Variants in SHISA9 observed in about 807,000 individuals in gnomAD.
SHISA9 encodes shisa family member 9, also known as protein shisa-9.
SHISA9 carries 13 observed loss-of-function variants against 38.0 expected under a neutral mutation model. The ratio of observed to expected loss-of-function variants is 0.34; its 90% CI spans 0.22 to 0.54. The LOEUF (loss-of-function observed/expected upper bound fraction) is 0.54, where lower values mean the gene tolerates loss of function less well. Ranked by LOEUF, SHISA9 falls within the 20% of genes least tolerant of loss-of-function variation. SHISA9 has a pLI of 0.91. For missense variants in SHISA9, 538 were observed against 575.8 expected (o/e 0.93, Z 0.67); for synonymous variants, 275 against 242.0 (o/e 1.14, Z -1.27).
At chr16:12,974,259 G>A (rs1343688521) in intron 2 of SHISA9, among the ~76,000 whole-genome samples, 6 of 152,106 alleles carry the variant, frequency 3.9e-5, no homozygotes, top group Non-Finnish European at 7.3e-5. Flanking sequence ...CCAGGAGAGG[G>A]CAGGACATCT....
chr16:13,436,051 G>A, the SHISA9 span, among the ~76,000 whole-genome samples: 1 of 152,170 alleles, frequency 6.6e-6, no homozygotes, highest in East Asian at 1.9e-4. Flanking sequence ...GAACTGGCTT[G>A]AACAGAACAA....
intron 2 of SHISA9, among the ~76,000 whole-genome samples, chr16:12,994,650 C>G (rs1485024574): frequency 6.6e-6 from 1 of 152,176 alleles, no homozygotes; most frequent in Non-Finnish European, 1.5e-5. Flanking sequence ...CTATAGTTGA[C>G]TCACTGTGGT....
rs115693292 is a variant in SHISA9, at chr16:12,965,134, C to G, written c.691+48319C>G. Among the ~76,000 whole-genome samples the G allele has an allele frequency of 3.4e-3, 524 of 152,220 alleles. 5 individuals are homozygous for G. The highest frequency in any genetic ancestry group is 0.012 in the African/African-American group (493 of 41,534). On this transcript the variant is annotated intron_variant, in intron 2 of 4. Transcript: ENST00000558583. ...CAAGTTATTGGTTTTGTGTTGACAT[C>G]TCAGCCTCCAGGAAATTTCAGAGAT...
At chr16:13,292,903 A>G in the SHISA9 span, among the ~76,000 whole-genome samples, 2 of 152,168 alleles carry the variant, frequency 1.3e-5, no homozygotes, top group Non-Finnish European at 2.9e-5. Flanking sequence ...AAGTAAATAT[A>G]TTTGCTTGCT....
intron 2 of SHISA9, among the ~76,000 whole-genome samples, chr16:13,107,496 C>G (rs972076727): frequency 2.0e-5 from 3 of 151,426 alleles, no homozygotes; most frequent in African/African-American, 7.3e-5. Context: ...CACACACACA[C>G]ACACACACAC....
chr16:13,188,628 G>A (rs1176845937), intron 2 of SHISA9, among the ~76,000 whole-genome samples: 3 of 148,120 alleles, frequency 2.0e-5, no homozygotes, highest in Non-Finnish European at 3.0e-5. Flanking sequence ...GAGGTGGGAG[G>A]ATCACTTGAG....
the SHISA9 span, among the ~76,000 whole-genome samples, chr16:13,276,923 G>C: frequency 6.6e-6 from 1 of 151,956 alleles, no homozygotes; most frequent in Non-Finnish European, 1.5e-5. Flanking sequence ...TTTTAATTAG[G>C]TCCCAGCTAT....
chr16:12,959,743 A>G (rs1164624768), intron 2 of SHISA9, among the ~76,000 whole-genome samples: 1 of 152,196 alleles, frequency 6.6e-6, no homozygotes, highest in Non-Finnish European at 1.5e-5. Context: ...CCAGCAAATG[A>G]GTGGCAGAGC....
chr16:13,055,371 T>G (rs1047569519), intron 2 of SHISA9, among the ~76,000 whole-genome samples: 10 of 152,178 alleles, frequency 6.6e-5, no homozygotes, highest in African/African-American at 2.4e-4. Flanking sequence ...GAGTAATGAC[T>G]ATGTTAATTT....
intron 2 of SHISA9, among the ~76,000 whole-genome samples, chr16:12,948,930 C>T (rs1334947902): frequency 6.6e-6 from 1 of 152,142 alleles, no homozygotes; most frequent in African/African-American, 2.4e-5. Flanking sequence ...TATTATATAC[C>T]TTTGTAATAT....
At chr16:13,310,059 TA>T in the SHISA9 span, among the ~76,000 whole-genome samples, 2 of 152,050 alleles carry the variant, frequency 1.3e-5, no homozygotes, top group Non-Finnish European at 2.9e-5. Flanking sequence ...GGCTAATTTT[TA>T]TATTTTTAGT....
intron 2 of SHISA9, among the ~76,000 whole-genome samples, chr16:13,076,891 G>T (rs1028524896): frequency 1.3e-5 from 2 of 152,138 alleles, no homozygotes; most frequent in Non-Finnish European, 2.9e-5. Flanking sequence ...AATATTTGTT[G>T]AATTAATGAC....
At chr16:13,368,698 G>A in the SHISA9 span, among the ~76,000 whole-genome samples, 5 of 150,658 alleles carry the variant, frequency 3.3e-5, no homozygotes, top group Non-Finnish European at 7.4e-5. Context: ...TACATAAAAT[G>A]CATTTGATTG....
chr16:13,457,577 G>A, the SHISA9 span, among the ~76,000 whole-genome samples: 109 of 151,762 alleles, frequency 7.2e-4, no homozygotes, highest in African/African-American at 2.4e-3. Context: ...TTATGCAGAC[G>A]CCAGCTTTGT....
At chr16:13,487,885 G>T in the SHISA9 span, among the ~76,000 whole-genome samples, 1 of 152,178 alleles carries the variant, frequency 6.6e-6, no homozygotes, top group Non-Finnish European at 1.5e-5. Context: ...GACAGTTTGG[G>T]TTGGGCCAAT....
chr16:12,987,946 C>A (rs541513623), intron 2 of SHISA9, among the ~76,000 whole-genome samples: 2 of 152,168 alleles, frequency 1.3e-5, no homozygotes, highest in African/African-American at 4.8e-5. Flanking sequence ...CCATAATTCA[C>A]CCCAGGGGGC....
chr16:13,073,196 A>G (rs1439732194), intron 2 of SHISA9, among the ~76,000 whole-genome samples: 1 of 149,980 alleles, frequency 6.7e-6, no homozygotes, highest in Non-Finnish European at 1.5e-5. Context: ...GCTAAGCCCA[A>G]CTCTCTCCTA....
the SHISA9 span, among the ~76,000 whole-genome samples, chr16:13,377,654 A>G: frequency 1.3e-5 from 2 of 152,198 alleles, no homozygotes; most frequent in Non-Finnish European, 2.9e-5. Flanking sequence ...TGAATGTGAA[A>G]AAGAAGATTC....
chr16:12,997,910 C>T (rs1204457815), intron 2 of SHISA9, among the ~76,000 whole-genome samples: 2 of 152,182 alleles, frequency 1.3e-5, no homozygotes, highest in Admixed American at 6.5e-5. Flanking sequence ...TTTCAAGACT[C>T]AGCTTAAACG....
Sources: gnomAD v4.1 joint callset for allele counts (sites outside exome capture counted in the v4.1 genomes callset) on GRCh38, gnomAD v4.1.1 for gene constraint, MANE v1.5 for transcripts, NCBI Gene and HGNC (gene_info 2026-07-23, HGNC 2026-07-21) for gene names.